Variants in RASSF8 observed in about 807,000 individuals in gnomAD.
RASSF8 encodes the protein Ras association domain family member 8, also known as ras association domain-containing protein 8.
Under a neutral mutation model 48.5 loss-of-function variants are expected in RASSF8, and 22 were observed. The observed-to-expected ratio is 0.45, with a 90% CI of 0.32 to 0.65. The LOEUF (loss-of-function observed/expected upper bound fraction) is 0.65, where lower values mean the gene tolerates loss of function less well. Among genes scored for constraint, RASSF8 ranks in the 30% least tolerant of loss-of-function variants. The pLI is 0.03. For synonymous variants in RASSF8, 127 were observed against 171.5 expected (o/e 0.74, Z 2.03); for missense variants, 418 against 489.2 (o/e 0.85, Z 1.37).
In RASSF8 at chr12:26,069,522, A is replaced by G. The variant is rs1943956220; in HGVS notation, c.*704A>G. The G allele has an allele frequency of 1.0e-6, 1 of 985,322 alleles. No individual in the cohort carries two copies. Among genetic ancestry groups the G allele is most frequent in the South Asian group, 4.7e-5 (1 of 21,294 alleles). 61.0% of individuals were successfully genotyped at this position (985,322 alleles called of 1,614,324 possible). ...AGATATTTTTCATAAGCTAAATTGT[A>G]TGTATAAAACATTTGCAGTGTTTCA... On this transcript the variant is annotated 3_prime_UTR_variant, in exon 6 of 6. Transcript: ENST00000689635.
intron 2 of RASSF8, among the ~76,000 whole-genome samples, chr12:26,025,562 CAA>C (rs34036145): frequency 1.6e-3 from 158 of 100,654 alleles, no homozygotes; most frequent in South Asian, 3.4e-3. Context: ...GACTCTGTCT[CAA>C]AAAAAAAAAA....
At chr12:26,058,614 AT>A (rs1943669533) in intron 3 of RASSF8, among the ~76,000 whole-genome samples, 1 of 152,152 alleles carries the variant, frequency 6.6e-6, no homozygotes, top group Non-Finnish European at 1.5e-5. Context: ...AGTTAAAATT[AT>A]TTTTAGGAAA....
chr12:25,973,612 C>G (rs1239245856), intron 1 of RASSF8: 1 of 152,172 alleles, frequency 6.6e-6, no homozygotes, highest in Non-Finnish European at 1.5e-5. Context: ...GTGTCTCCCT[C>G]AAGTCCATAT....
chr12:25,961,686 C>T (rs1252949855), intron 1 of RASSF8, among the ~76,000 whole-genome samples: 3 of 152,134 alleles, frequency 2.0e-5, no homozygotes, highest in Admixed American at 2.0e-4. Context: ...GTGAGTAGAA[C>T]ATCTAATATA....
chr12:25,980,058 T>C (rs1168666003), intron 1 of RASSF8, among the ~76,000 whole-genome samples: 2 of 152,206 alleles, frequency 1.3e-5, no homozygotes, highest in Non-Finnish European at 2.9e-5. Context: ...CATGAGAAAC[T>C]AGCTCCTATC....
chr12:26,016,218 T>A (rs1942646150), intron 2 of RASSF8, among the ~76,000 whole-genome samples: 1 of 151,704 alleles, frequency 6.6e-6, no homozygotes, highest in South Asian at 2.1e-4. Context: ...TTTTTTTTTT[T>A]TTTATTTGTT....
At position 26,007,735 on chromosome 12, in the gene RASSF8, CTAGTT is replaced by C. The variant is rs915059305; in HGVS notation, c.-109+12608_-109+12612del. ...CTGACTTAAAAGCAGCATTCTTACT[CTAGTT>C]TAACAGAAACAGCCTTTTAGTGGCA... On this transcript the variant is annotated intron_variant, in intron 2 of 5. Transcript: ENST00000689635. 2.6e-5 allele frequency among the ~76,000 whole-genome samples: 4 copies of C among 152,282 alleles called. No individual in the cohort carries two copies. In the East Asian group the frequency reaches 7.7e-4, roughly 29 times the overall value.
chr12:26,033,480 A>G (rs1030586339), intron 2 of RASSF8, among the ~76,000 whole-genome samples: 2 of 152,202 alleles, frequency 1.3e-5, no homozygotes, highest in African/African-American at 4.8e-5. Context: ...CTTTCATGCT[A>G]AAAGCACATT....
chr12:25,970,768 G>A (rs892062824), intron 1 of RASSF8, among the ~76,000 whole-genome samples: 6 of 152,186 alleles, frequency 3.9e-5, no homozygotes, highest in Non-Finnish European at 7.3e-5. Context: ...TCCCTTGACT[G>A]TTCTCAGGCA....
chr12:25,976,935 A>C (rs1323139801), intron 1 of RASSF8, among the ~76,000 whole-genome samples: 1 of 152,196 alleles, frequency 6.6e-6, no homozygotes, highest in Non-Finnish European at 1.5e-5. Flanking sequence ...CTATAATTCT[A>C]AGACGTTTCC....
At chr12:26,042,481 G>A (rs1943285894) in intron 2 of RASSF8, among the ~76,000 whole-genome samples, 1 of 152,142 alleles carries the variant, frequency 6.6e-6, no homozygotes, top group Admixed American at 6.5e-5. Flanking sequence ...ACCTGAGTTT[G>A]TAGGGTGGAG....
intron 2 of RASSF8, among the ~76,000 whole-genome samples, chr12:26,004,541 C>T (rs1431144503): frequency 2.0e-5 from 3 of 152,160 alleles, no homozygotes; most frequent in Non-Finnish European, 4.4e-5. Context: ...CAATAACATA[C>T]ACTGTCAATT....
At chr12:26,064,405 C>T (rs955973896) in intron 3 of RASSF8, 93 bp from the exon 4 acceptor site, 4 of 1,280,572 alleles carry the variant, frequency 3.1e-6, no homozygotes, top group African/African-American at 3.0e-5. Context: ...TGATGCTAAT[C>T]GAAAATACAC....
intron 3 of RASSF8, among the ~76,000 whole-genome samples, chr12:26,061,526 G>A (rs1423694914): frequency 1.3e-5 from 2 of 151,624 alleles, no homozygotes; most frequent in Non-Finnish European, 2.9e-5. Context: ...GTCCTACAAT[G>A]CAAAAACAGC....
At chr12:26,066,819 T>C (rs1291394793) in intron 4 of RASSF8, among the ~76,000 whole-genome samples, 1 of 152,218 alleles carries the variant, frequency 6.6e-6, no homozygotes, top group Non-Finnish European at 1.5e-5. Context: ...GGGTACTTTT[T>C]CTTATATACA....
In RASSF8 at chr12:26,069,864, T is replaced by C. The variant is rs1943964114; in HGVS notation, c.*1046T>C. 6.1e-6 allele frequency: 6 copies of C among 984,624 alleles called. No homozygotes were observed. In the South Asian group the frequency reaches 1.4e-4, roughly 23 times the overall value. The allele number at this position is 984,624 out of a possible 1,614,324, so 61.0% of individuals were successfully genotyped here. A position where few individuals can be genotyped will look rare whatever the true frequency, so the allele number is the denominator to read the frequency against. On this transcript the variant is annotated 3_prime_UTR_variant, in exon 6 of 6. Transcript: ENST00000689635. ...TTGTGGTTTCTTCCAGTCACTTAGA[T>C]GGAAAGGAGGTTAAACCTAGGTACT...
intron 3 of RASSF8, among the ~76,000 whole-genome samples, chr12:26,063,171 A>C (rs1943783652): frequency 6.6e-6 from 1 of 152,146 alleles, no homozygotes; most frequent in South Asian, 2.1e-4. Flanking sequence ...TGTTTATACA[A>C]GTATAATTGC....
In RASSF8 at chr12:26,070,505, G is replaced by A. The variant is rs2271480; in HGVS notation, c.*1687G>A. ...GTTATCAAATTGATCTTGCCATTATGTTACTTTGCAAATAACTGAAGTAAA... is the reference window on the plus strand; with the variant it reads ...GTTATCAAATTGATCTTGCCATTATATTACTTTGCAAATAACTGAAGTAAA... On this transcript the variant is annotated 3_prime_UTR_variant, in exon 6 of 6. Coordinates refer to ENST00000689635, the MANE Select transcript of RASSF8 (RefSeq NM_001394098.1). 765,471 of 983,920 alleles carry A rather than the reference G, an allele frequency of 0.78. 298,849 individuals are homozygous for A. The highest frequency in any genetic ancestry group is 0.79 in the Middle Eastern group (1,515 of 1,914). 60.9% of individuals were successfully genotyped at this position (983,920 alleles called of 1,614,324 possible).
chr12:26,040,361 A>G (rs2643927), intron 2 of RASSF8, among the ~76,000 whole-genome samples: 59,889 of 152,036 alleles, frequency 0.39, 12,321 homozygotes, highest in Non-Finnish European at 0.46. Flanking sequence ...AAGTGGGCTA[A>G]TATCAGTGAG....
Sources: gnomAD v4.1 joint callset for allele counts (sites outside exome capture counted in the v4.1 genomes callset) on GRCh38, gnomAD v4.1.1 for gene constraint, MANE v1.5 for transcripts, NCBI Gene and HGNC (gene_info 2026-07-23, HGNC 2026-07-21) for gene names.